Variants in TRAF3IP3 observed in about 807,000 individuals in gnomAD.
The protein encoded by TRAF3IP3 is TRAF3-interacting JNK-activating modulator.
TRAF3IP3 carries 64 observed loss-of-function variants against 86.5 expected under a neutral mutation model. That is an observed-to-expected ratio of 0.74 (90% CI 0.60 to 0.91). The LOEUF is 0.91. Among genes scored for constraint, TRAF3IP3 ranks in the 40% least tolerant of loss-of-function variants. The pLI, the probability that TRAF3IP3 is intolerant of heterozygous loss-of-function variation, is 0.00. For synonymous variants in TRAF3IP3, 220 were observed against 243.9 expected (o/e 0.90, Z 0.91); for missense variants, 579 against 642.9 (o/e 0.90, Z 1.07).
chr1:209,759,456 T>C (rs1398309690), intron 2 of TRAF3IP3, among the ~76,000 whole-genome samples: 2 of 152,190 alleles, frequency 1.3e-5, no homozygotes, highest in East Asian at 3.9e-4. Flanking sequence ...TGAGGGGGTG[T>C]GGTTAGCCCT....
In TRAF3IP3 at chr1:209,778,191, A is replaced by G; in HGVS notation, c.1252+18A>G. ...GTTGCAGGGTAAGTTCGCTTTCCAG[A>G]TTCTGAAAGTCCACAGGGTTTTCCT... On this transcript the variant is annotated intron_variant, in intron 13 of 16. Transcript: ENST00000367025. 5 of 1,612,878 alleles carry G rather than the reference A, an allele frequency of 3.1e-6. No individual in the cohort carries two copies. The highest frequency in any genetic ancestry group is 4.2e-6 in the Non-Finnish European group (5 of 1,178,970).
intron 8 of TRAF3IP3, among the ~76,000 whole-genome samples, chr1:209,764,401 G>A (rs2077301159): frequency 6.6e-6 from 1 of 152,198 alleles, no homozygotes; most frequent in Non-Finnish European, 1.5e-5. Context: ...CATTTGCCAG[G>A]AAAATATGGA....
chr1:209,771,958 GGTGT>G (rs1313086858), intron 8 of TRAF3IP3, among the ~76,000 whole-genome samples: 2 of 135,324 alleles, frequency 1.5e-5, no homozygotes, highest in Admixed American at 7.5e-5. Context: ...TGCATGTGAA[GGTGT>G]GTGTGTGCAG....
At chr1:209,768,722 G>A (rs1184419716) in intron 8 of TRAF3IP3, 12 of 983,878 alleles carry the variant, frequency 1.2e-5, no homozygotes, top group Non-Finnish European at 1.4e-5. Flanking sequence ...CTGAGCCCTC[G>A]GCTCCCGGGG....
intron 8 of TRAF3IP3, among the ~76,000 whole-genome samples, chr1:209,766,638 T>C (rs34197735): frequency 6.6e-6 from 1 of 152,164 alleles, no homozygotes; most frequent in Non-Finnish European, 1.5e-5. Context: ...CCAAGGCAGG[T>C]GGACCACTTG....
At chr1:209,771,482 GGTGTGC>G (rs2077521701) in intron 8 of TRAF3IP3, among the ~76,000 whole-genome samples, 1 of 137,648 alleles carries the variant, frequency 7.3e-6, no homozygotes, top group African/African-American at 2.9e-5. Context: ...TGCATATGGA[GGTGTGC>G]GTGTGCATGT....
At chr1:209,758,224 G>A (rs978534635) in intron 1 of TRAF3IP3, among the ~76,000 whole-genome samples, 1 of 152,176 alleles carries the variant, frequency 6.6e-6, no homozygotes, top group Non-Finnish European at 1.5e-5. Flanking sequence ...CACCCCCTAT[G>A]CCCACTCCCA....
intron 8 of TRAF3IP3, among the ~76,000 whole-genome samples, chr1:209,772,524 G>A (rs936904638): frequency 2.0e-5 from 3 of 152,138 alleles, no homozygotes; most frequent in Non-Finnish European, 4.4e-5. Context: ...ACATTCTCCC[G>A]GGAGGGGAGA....
chr1:209,780,232 G>T, intron 14 of TRAF3IP3: 3 of 317,004 alleles, frequency 9.5e-6, no homozygotes, highest in East Asian at 1.0e-4. Context: ...GATAAGACTG[G>T]GGATACAAAG....
Position 209,780,554 on chromosome 1 carries a change from T to A in TRAF3IP3, c.1397T>A (p.Leu466His), listed in dbSNP as rs1490522559. 1.2e-6 allele frequency: 2 copies of A among 1,600,828 alleles called. No individual in the cohort carries two copies. The highest frequency in any genetic ancestry group is 2.2e-5 in the South Asian group (2 of 89,432). Residue 466 changes from leucine to histidine, a missense_variant, in exon 15 of 17, where the codon CTC (leucine) becomes CAC (histidine). Transcript: ENST00000367025. ...EGTGKEKDWD[L>H]RDQLQKKTLQ... ...ACAGGGAAGGAGAAAGACTGGGATC[T>A]CAGAGACCAGCTGCAAAAGAAGACT...
intron 10 of TRAF3IP3, 48 bp downstream of exon 10, chr1:209,775,537 G>T: frequency 1.2e-6 from 2 of 1,614,180 alleles, no homozygotes; most frequent in South Asian, 2.2e-5. Flanking sequence ...CAGGCAGCTT[G>T]GGGAACAAGG....
At position 209,768,269 on chromosome 1, in the gene TRAF3IP3, C is replaced by G. The variant is rs921053748; in HGVS notation, c.703-4679C>G. The stretch of plus-strand genomic sequence containing the variant: ...TACCACAAACTCCCTATTAGAATCC[C>G]AAGGATCAGCTCCCTCCGCTGGCTT... On this transcript the variant is annotated intron_variant, in intron 8 of 16. Coordinates refer to ENST00000367025, the MANE Select transcript of TRAF3IP3 (RefSeq NM_025228.4). 4 of 985,320 alleles carry G rather than the reference C, an allele frequency of 4.1e-6. No individual in the cohort carries two copies. In the Admixed American group the frequency reaches 1.8e-4, roughly 45 times the overall value. 61.0% of individuals were successfully genotyped at this position (985,320 alleles called of 1,614,324 possible).
chr1:209,767,847 G>A (rs960107622), intron 8 of TRAF3IP3, among the ~76,000 whole-genome samples: 2 of 152,090 alleles, frequency 1.3e-5, no homozygotes, highest in Non-Finnish European at 2.9e-5. Flanking sequence ...TATATTAAGA[G>A]ACATTTCTGG....
chr1:209,777,330 T>A, intron 11 of TRAF3IP3, 22 bp from the exon 12 acceptor site: 1 of 1,609,396 alleles, frequency 6.2e-7, no homozygotes, highest in Non-Finnish European at 8.5e-7. Flanking sequence ...CCTTCTATAT[T>A]GGCCCTTCCT....
At position 209,775,504 on chromosome 1, in the gene TRAF3IP3, C is replaced by T. The variant is rs369186979; in HGVS notation, c.915+15C>T. On this transcript the variant is annotated intron_variant, in intron 10 of 16. Transcript: ENST00000367025. ...AGAGCACACAGGTATGGGGATGCCA[C>T]ATAGACATGGGGCTGGGGACTCCAG... 1.9e-6 allele frequency: 3 copies of T among 1,614,096 alleles called. No individual in the cohort carries two copies. In the African/African-American group the frequency reaches 4.0e-5, roughly 22 times the overall value.
In TRAF3IP3 at chr1:209,765,210, A is replaced by G. The variant is rs12740672; in HGVS notation, c.702+1623A>G. Among the ~76,000 whole-genome samples the G allele has an allele frequency of 4.0e-3, 431 of 107,624 alleles. 4 individuals carry two copies. The highest frequency in any genetic ancestry group is 0.012 in the South Asian group (34 of 2,808). 70.6% of individuals were successfully genotyped at this position (107,624 alleles called of 152,430 possible). A position where few individuals can be genotyped will look rare whatever the true frequency, so the allele number is the denominator to read the frequency against. On this transcript the variant is annotated intron_variant, in intron 8 of 16. Transcript: ENST00000367025. ...GAGAGAGAGAGAGAGAGAGAGAGAG[A>G]GAGGGAGAGAGAGAGAGAGGAAGGA...
intron 8 of TRAF3IP3, among the ~76,000 whole-genome samples, chr1:209,765,578 A>C (rs1444213484): frequency 1.3e-5 from 2 of 152,162 alleles, no homozygotes; most frequent in African/African-American, 4.8e-5. Context: ...AAGGCAGGAG[A>C]ATCTCTTACG....
chr1:209,775,864 CACT>C, intron 11 of TRAF3IP3, 128 bp downstream of exon 11: 2 of 850,458 alleles, frequency 2.4e-6, no homozygotes, highest in Non-Finnish European at 1.8e-6. Flanking sequence ...CCTCAGTCAC[CACT>C]ACTTTGTACC....
chr1:209,763,160 T>G, intron 6 of TRAF3IP3, 68 bp downstream of exon 6: 1 of 1,557,456 alleles, frequency 6.4e-7, no homozygotes, highest in South Asian at 1.1e-5. Context: ...TGGAATTCCA[T>G]GATAAACTTG....
Sources: gnomAD v4.1 joint callset for allele counts (sites outside exome capture counted in the v4.1 genomes callset) on GRCh38, gnomAD v4.1.1 for gene constraint, MANE v1.5 for transcripts, NCBI Gene and HGNC (gene_info 2026-07-23, HGNC 2026-07-21) for gene names.